Variants in MGLL observed in about 807,000 individuals in gnomAD.
MGLL encodes the protein monoglyceride lipase, also known as lysophospholipase homolog.
Under a neutral mutation model 29.1 loss-of-function variants are expected in MGLL, and 7 were observed. The observed-to-expected ratio is 0.24, with a 90% CI of 0.14 to 0.45. The LOEUF is 0.45. Ranked by LOEUF, MGLL falls within the 20% of genes least tolerant of loss-of-function variation. MGLL has a pLI of 0.99. For missense variants in MGLL, 356 were observed against 413.6 expected (o/e 0.86, Z 1.21); for synonymous variants, 148 against 168.3 (o/e 0.88, Z 0.93).
intron 3 of MGLL, among the ~76,000 whole-genome samples, chr3:127,730,299 T>C: frequency 6.6e-6 from 1 of 151,926 alleles, no homozygotes; most frequent in East Asian, 1.9e-4. Context: ...GGTGTCGTGG[T>C]CCGACGGCCC....
At chr3:127,746,917 C>G (rs539697853) in intron 3 of MGLL, among the ~76,000 whole-genome samples, 1 of 152,240 alleles carries the variant, frequency 6.6e-6, no homozygotes, top group African/African-American at 2.4e-5. Flanking sequence ...CCTCAGGGGA[C>G]GGGGTCTAGG....
intron 3 of MGLL, among the ~76,000 whole-genome samples, chr3:127,773,963 CCT>C (rs1278305587): frequency 1.3e-5 from 2 of 152,212 alleles, no homozygotes; most frequent in Non-Finnish European, 2.9e-5. Context: ...CCCCACACTC[CCT>C]GACTTCGCCC....
At chr3:127,818,072 T>C (rs778547466) in intron 2 of MGLL, among the ~76,000 whole-genome samples, 17 of 152,248 alleles carry the variant, frequency 1.1e-4, no homozygotes, top group Non-Finnish European at 2.1e-4. Flanking sequence ...GCGATTCTCC[T>C]GCCTCAGCCT....
chr3:127,755,797 A>G (rs1376807890), intron 3 of MGLL, among the ~76,000 whole-genome samples: 4 of 152,228 alleles, frequency 2.6e-5, no homozygotes, highest in Non-Finnish European at 4.4e-5. Context: ...GACACTTTCT[A>G]TGACTATTGT....
chr3:127,805,563 C>T (rs2077551435), intron 2 of MGLL, among the ~76,000 whole-genome samples: 1 of 152,188 alleles, frequency 6.6e-6, no homozygotes, highest in Non-Finnish European at 1.5e-5. Flanking sequence ...GTAAAATGGG[C>T]TTATCATGCC....
chr3:127,786,190 T>C (rs537124619), intron 2 of MGLL, among the ~76,000 whole-genome samples: 68 of 152,220 alleles, frequency 4.5e-4, no homozygotes, highest in African/African-American at 1.6e-3. Flanking sequence ...GACTTCAGCT[T>C]TGTGAGGATT....
chr3:127,707,827 G>A (rs2075632195), intron 6 of MGLL, among the ~76,000 whole-genome samples: 1 of 152,248 alleles, frequency 6.6e-6, no homozygotes, highest in South Asian at 2.1e-4. Context: ...TAGGGTGGCA[G>A]CTTTGGGGCG....
At chr3:127,754,488 G>A (rs1037779197) in intron 3 of MGLL, among the ~76,000 whole-genome samples, 6 of 152,190 alleles carry the variant, frequency 3.9e-5, no homozygotes, top group East Asian at 1.9e-4. Flanking sequence ...CCTCACCGGC[G>A]TTAACTGGAT....
chr3:127,693,937 A>C (rs2075296250), intron 7 of MGLL, among the ~76,000 whole-genome samples: 1 of 152,180 alleles, frequency 6.6e-6, no homozygotes, highest in Non-Finnish European at 1.5e-5. Context: ...GGTCTCAGTG[A>C]TGCTCTCATG....
intron 5 of MGLL, chr3:127,715,923 G>A (rs763544693): frequency 1.7e-4 from 72 of 432,870 alleles, no homozygotes; most frequent in South Asian, 1.3e-4. Flanking sequence ...CAAAATCCTC[G>A]AATAGTCCTA....
chr3:127,772,024 T>C (rs1225683283), intron 3 of MGLL, among the ~76,000 whole-genome samples: 1 of 152,134 alleles, frequency 6.6e-6, no homozygotes, highest in African/African-American at 2.4e-5. Context: ...CTTCGCACTT[T>C]CCTACCGTCC....
intron 3 of MGLL, among the ~76,000 whole-genome samples, chr3:127,746,022 G>A (rs1317040326): frequency 6.6e-6 from 1 of 152,218 alleles, no homozygotes; most frequent in African/African-American, 2.4e-5. Context: ...TGAATAGAAT[G>A]AGTGACAGCA....
At chr3:127,795,413 G>C (rs962481537) in intron 2 of MGLL, among the ~76,000 whole-genome samples, 5 of 151,112 alleles carry the variant, frequency 3.3e-5, no homozygotes, top group Non-Finnish European at 7.4e-5. Flanking sequence ...AGGGAGGGAG[G>C]GGGGCAAGGA....
At chr3:127,720,385 C>T (rs576722054) in intron 5 of MGLL, among the ~76,000 whole-genome samples, 1 of 152,300 alleles carries the variant, frequency 6.6e-6, no homozygotes, top group Admixed American at 6.5e-5. Flanking sequence ...GATACCTTGT[C>T]AACAAGCCAG....
Position 127,738,262 on chromosome 3 carries a change from C to T in MGLL, c.263-15696G>A, listed in dbSNP as rs543506835. Among the ~76,000 whole-genome samples, 17 of 151,578 alleles carry T rather than the reference C, an allele frequency of 1.1e-4. No homozygotes were observed. In the East Asian group the frequency reaches 1.6e-3, roughly 14 times the overall value. Reference sequence around the variant, plus strand: ...GCTGCAGGGAGCCGTGATTTCACCACTGCACTCCAGCCTGGGTGACAGAGT... The same window carrying T: ...GCTGCAGGGAGCCGTGATTTCACCATTGCACTCCAGCCTGGGTGACAGAGT... On this transcript the variant is annotated intron_variant, in intron 3 of 7. Transcript: ENST00000265052.
intron 2 of MGLL, among the ~76,000 whole-genome samples, chr3:127,798,187 G>A (rs773377807): frequency 5.3e-5 from 8 of 152,170 alleles, no homozygotes; most frequent in Admixed American, 1.3e-4. Context: ...CTCCCTGCAG[G>A]AGCAACCCAC....
At chr3:127,739,583 T>A (rs1417028635) in intron 3 of MGLL, among the ~76,000 whole-genome samples, 1 of 152,196 alleles carries the variant, frequency 6.6e-6, no homozygotes, top group Non-Finnish European at 1.5e-5. Context: ...CTGATGCTTT[T>A]AAAAACCCAC....
At chr3:127,768,174 G>C (rs72626390) in intron 3 of MGLL, among the ~76,000 whole-genome samples, 3 of 152,058 alleles carry the variant, frequency 2.0e-5, no homozygotes, top group Non-Finnish European at 4.4e-5. Context: ...AATCCTTCCC[G>C]TAAAGAACAC....
In MGLL at chr3:127,692,122, C is replaced by A; in HGVS notation, c.*76G>T. The A allele has an allele frequency of 1.2e-6, 1 of 828,474 alleles. No individual in the cohort carries two copies. The highest frequency in any genetic ancestry group is 1.8e-6 in the Non-Finnish European group (1 of 547,298). 51.3% of individuals were successfully genotyped at this position (828,474 alleles called of 1,614,324 possible). On this transcript the variant is annotated 3_prime_UTR_variant, in exon 8 of 8. Coordinates refer to ENST00000265052, the MANE Select transcript of MGLL (RefSeq NM_007283.7). The stretch of plus-strand genomic sequence containing the variant: ...TTTTTTTTTTTTTTTTTTTGGCAAG[C>A]CATATCTGAGAAGCCATCTCTGCCC...
Sources: allele counts gnomAD v4.1 joint callset (sites outside exome capture counted in the v4.1 genomes callset), GRCh38; gene constraint gnomAD v4.1.1; transcripts MANE v1.5; gene names NCBI Gene and HGNC (gene_info 2026-07-23, HGNC 2026-07-21).